TRPM6: variants seen among roughly 807,000 people sequenced by gnomAD.
The protein encoded by TRPM6 is transient receptor potential cation channel subfamily M member 6.
Under a neutral mutation model 247.6 loss-of-function variants are expected in TRPM6, and 111 were observed. That is an observed-to-expected ratio of 0.45 (90% CI 0.38 to 0.52). The LOEUF is 0.52. Ranked by LOEUF, TRPM6 falls within the 20% of genes least tolerant of loss-of-function variation. The pLI, the probability that TRPM6 is intolerant of heterozygous loss-of-function variation, is 0.00. For missense variants in TRPM6, 2,126 were observed against 2,421.5 expected (o/e 0.88, Z 2.56); for synonymous variants, 892 against 853.8 (o/e 1.04, Z -0.78).
In TRPM6 at chr9:74,796,887, T is replaced by C; in HGVS notation, c.2245A>G (p.Ile749Val). ...MRKNSWLKII[I>V]SIILPPTILT... ...ATGGTGGGTGGTAAAATAATGCTTA[T>C]AATAATCTGTAAAAGAAAAAAAAGC... The change falls in exon 18 of 39, where the codon ATA (isoleucine) becomes GTA (valine). Residue 749 changes from isoleucine to valine, a missense_variant. Transcript: ENST00000360774. 6.2e-7 allele frequency: 1 copy of C among 1,613,458 alleles called. No homozygotes were observed. Among genetic ancestry groups the C allele is most frequent in the Admixed American group, 1.7e-5 (1 of 59,996 alleles).
chr9:74,747,381 T>C (rs765244535), intron 31 of TRPM6, among the ~76,000 whole-genome samples: 59 of 152,144 alleles, frequency 3.9e-4, no homozygotes, highest in Non-Finnish European at 6.5e-4. Flanking sequence ...GAAGGTGCCT[T>C]TACATCAAGG....
At chr9:74,766,668 T>C (rs1826836606) in intron 25 of TRPM6, among the ~76,000 whole-genome samples, 1 of 151,908 alleles carries the variant, frequency 6.6e-6, no homozygotes, top group Non-Finnish European at 1.5e-5. Context: ...CCCAGCACTT[T>C]GGGAGACTGA....
intron 27 of TRPM6, among the ~76,000 whole-genome samples, chr9:74,761,458 C>G (rs1826628023): frequency 6.6e-6 from 1 of 152,066 alleles, no homozygotes; most frequent in East Asian, 1.9e-4. Flanking sequence ...GCCTGTAGTC[C>G]CAGCTACTTG....
At chr9:74,846,357 A>G (rs1035870483) in intron 3 of TRPM6, among the ~76,000 whole-genome samples, 1 of 152,136 alleles carries the variant, frequency 6.6e-6, no homozygotes, top group Non-Finnish European at 1.5e-5. Flanking sequence ...TTCTACATTT[A>G]TGTACCTCCT....
At chr9:74,789,275 G>A (rs62569679) in intron 19 of TRPM6, among the ~76,000 whole-genome samples, 27,065 of 152,046 alleles carry the variant, frequency 0.18, 2,890 homozygotes, top group South Asian at 0.27. Flanking sequence ...ATTAAGGACC[G>A]TTTGTCAATA....
chr9:74,753,150 A>C (rs1451813546), intron 28 of TRPM6, among the ~76,000 whole-genome samples: 1 of 151,848 alleles, frequency 6.6e-6, no homozygotes, highest in Non-Finnish European at 1.5e-5. Flanking sequence ...CCATCAAATA[A>C]ATAGATTTAA....
chr9:74,750,139 C>T (rs1220857642), intron 30 of TRPM6, among the ~76,000 whole-genome samples: 7 of 152,164 alleles, frequency 4.6e-5, no homozygotes, highest in Non-Finnish European at 7.4e-5. Context: ...AACCAGTCTT[C>T]CTCTCCCTCT....
At chr9:74,754,144 T>C (rs1826360196) in intron 28 of TRPM6, among the ~76,000 whole-genome samples, 2 of 151,966 alleles carry the variant, frequency 1.3e-5, no homozygotes, top group African/African-American at 2.4e-5. Flanking sequence ...TGGAGTCATG[T>C]CTTTAGGTGT....
chr9:74,817,956 A>T (rs369941132), intron 9 of TRPM6, among the ~76,000 whole-genome samples: 21 of 152,152 alleles, frequency 1.4e-4, no homozygotes, highest in Non-Finnish European at 1.2e-4. Flanking sequence ...CCTGTTGAAT[A>T]ATCTCTAAGG....
intron 3 of TRPM6, among the ~76,000 whole-genome samples, chr9:74,853,675 T>G (rs1830436214): frequency 6.6e-6 from 1 of 151,444 alleles, no homozygotes. Flanking sequence ...TCGTTAAGAG[T>G]CATCGCCACT....
intron 7 of TRPM6, 196 bp downstream of exon 7, chr9:74,827,582 C>A: frequency 2.9e-6 from 2 of 692,770 alleles, no homozygotes; most frequent in Non-Finnish European, 5.3e-6. Flanking sequence ...AGTGGATCCT[C>A]GAAGTGTCAT....
chr9:74,813,834 C>T (rs1233086565), intron 11 of TRPM6, among the ~76,000 whole-genome samples: 8 of 152,338 alleles, frequency 5.3e-5, no homozygotes, highest in South Asian at 2.1e-4. Flanking sequence ...CAGGGGCTCA[C>T]GCCTATAATC....
Position 74,801,987 on chromosome 9 carries a change from A to G in TRPM6, c.1920T>C (p.Ile640=). Residue 640 remains isoleucine (I), a synonymous_variant, in exon 16 of 39, where the codon ATT becomes ATC. Coordinates refer to ENST00000360774, the MANE Select transcript of TRPM6 (RefSeq NM_017662.5). ...HGEEATVKAV[I]ACILYRAMAH... is the part of the protein sequence containing the mutation. ...CCATTGCCCGGTAGAGGATACACGC[A>G]ATCACGGCTTTAACCGTGGCCTCCT... The G allele has an allele frequency of 6.2e-7, 1 of 1,614,238 alleles. No homozygotes were observed. Among genetic ancestry groups the G allele is most frequent in the Non-Finnish European group, 8.5e-7 (1 of 1,180,036 alleles).
intron 33 of TRPM6, among the ~76,000 whole-genome samples, chr9:74,740,263 T>C (rs1825821111): frequency 6.6e-6 from 1 of 152,220 alleles, no homozygotes; most frequent in South Asian, 2.1e-4. Flanking sequence ...CTGTTCTTAC[T>C]GTAGACTATA....
chr9:74,789,982 A>AG (rs1172871572), intron 19 of TRPM6, among the ~76,000 whole-genome samples: 3 of 140,258 alleles, frequency 2.1e-5, no homozygotes, highest in Admixed American at 1.4e-4. Flanking sequence ...AAAAAAAAAA[A>AG]AAAGAAAATC....
At chr9:74,834,165 C>A in intron 5 of TRPM6, 43 bp from the exon 6 acceptor site, 1 of 1,612,322 alleles carries the variant, frequency 6.2e-7, no homozygotes, top group South Asian at 1.1e-5. Context: ...ATTCACAAAT[C>A]GTGCAAAACA....
At position 74,775,871 on chromosome 9, in the gene TRPM6, A is replaced by G; in HGVS notation, c.3403+12T>C. 6.2e-7 allele frequency: 1 copy of G among 1,613,860 alleles called. No individual in the cohort carries two copies. The highest frequency in any genetic ancestry group is 2.2e-5 in the East Asian group (1 of 44,854). The stretch of plus-strand genomic sequence containing the variant: ...TTGCTCTCTTTCTCCTGCCTCACAT[A>G]GAACAACTTACTTAATCCAACGTCA... On this transcript the variant is annotated intron_variant, in intron 24 of 38. Transcript: ENST00000360774.
rs946374104 is a variant in TRPM6, at chr9:74,765,145, T to C, written c.3537-2011A>G. On this transcript the variant is annotated intron_variant, in intron 25 of 38. Transcript: ENST00000360774. ...GTTTGTTATATTGTGAGATAGAATA[T>C]TATGCATCCATTAAAAATCATACAT... is the stretch of plus-strand genomic sequence containing the variant. 1.3e-5 allele frequency among the ~76,000 whole-genome samples: 2 copies of C among 152,174 alleles called. 1 individual carries two copies. The highest frequency in any genetic ancestry group is 1.3e-4 in the Admixed American group (2 of 15,278).
At chr9:74,882,096 A>G (rs1831383046) in intron 1 of TRPM6, among the ~76,000 whole-genome samples, 1 of 152,200 alleles carries the variant, frequency 6.6e-6, no homozygotes, top group Admixed American at 6.5e-5. Context: ...CTATAAAGAT[A>G]CTAGAAGAAA....
Sources: allele counts gnomAD v4.1 joint callset (sites outside exome capture counted in the v4.1 genomes callset), GRCh38; gene constraint gnomAD v4.1.1; transcripts MANE v1.5; gene names NCBI Gene and HGNC (gene_info 2026-07-23, HGNC 2026-07-21).